The following FIG4 variants were observed in gnomAD, a reference collection of about 807,000 sequenced individuals.
The protein encoded by FIG4 is FIG4 phosphoinositide 5-phosphatase.
FIG4 carries 112 observed loss-of-function variants against 118.6 expected under a neutral mutation model. That is an observed-to-expected ratio of 0.94 (90% CI 0.81 to 1.11). The LOEUF (loss-of-function observed/expected upper bound fraction) is 1.11. FIG4 is among the 50% of genes least tolerant of loss of function. FIG4 has a pLI of 0.00. For synonymous variants in FIG4, 369 were observed against 381.2 expected (o/e 0.97, Z 0.37); for missense variants, 969 against 1,111.7 (o/e 0.87, Z 1.83).
intron 21 of FIG4, among the ~76,000 whole-genome samples, chr6:109,794,187 A>C (rs1778213798): frequency 6.6e-6 from 1 of 152,208 alleles, no homozygotes; most frequent in South Asian, 2.1e-4. Context: ...AACAGTTTAC[A>C]CTGTTTTGTT....
chr6:109,691,346 A>C lies in FIG4; in HGVS notation c.-90A>C. 9.7e-7 allele frequency: 1 copy of C among 1,029,912 alleles called. No individual in the cohort carries two copies. Among genetic ancestry groups the C allele is most frequent in the South Asian group, 1.4e-5 (1 of 73,680 alleles). The allele number at this position is 1,029,912 out of a possible 1,614,324, so 63.8% of individuals were successfully genotyped here. ...TGGGTGTTGTTCCTGGCTGGACTTG[A>C]TGTCCAGGGCCTGAGGGGTTTTCTC... On this transcript the variant is annotated 5_prime_UTR_variant, in exon 1 of 23. The change abolishes an upstream ATG in the 5' untranslated region. Transcript: ENST00000230124.
intron 10 of FIG4, among the ~76,000 whole-genome samples, chr6:109,752,550 A>G (rs1776742355): frequency 6.6e-6 from 1 of 152,164 alleles, no homozygotes; most frequent in Non-Finnish European, 1.5e-5. Flanking sequence ...GTGAGATGGT[A>G]TCTCATTGTG....
chr6:109,740,575 G>A (rs1187401308), intron 7 of FIG4, among the ~76,000 whole-genome samples: 2 of 152,118 alleles, frequency 1.3e-5, no homozygotes, highest in Admixed American at 6.5e-5. Context: ...TGGTTAAGCA[G>A]TTCACAATAA....
At position 109,765,151 on chromosome 6, in the gene FIG4, G is replaced by T; in HGVS notation, c.1573G>T (p.Asp525Tyr). The change falls in exon 14 of 23, where the codon GAT becomes TAT. Residue 525 changes from aspartate (D) to tyrosine (Y), a missense_variant. Coordinates refer to ENST00000230124, the MANE Select transcript of FIG4 (RefSeq NM_014845.6). ...IDKPNLQFDT[D>Y]AVRLFEELYE... ...CAAACCTAATCTACAGTTTGATACA[G>T]ATGCAGTTAGGTAAGTCTTATTTTT... is the stretch of plus-strand genomic sequence containing the variant. 6.2e-7 allele frequency: 1 copy of T among 1,614,084 alleles called. No homozygotes were observed. The highest frequency in any genetic ancestry group is 8.5e-7 in the Non-Finnish European group (1 of 1,179,932).
chr6:109,697,393 A>AG (rs200941180), intron 1 of FIG4, among the ~76,000 whole-genome samples: 2,243 of 152,256 alleles, frequency 0.015, 22 homozygotes, highest in Middle Eastern at 0.024. Context: ...CAGTCATCTG[A>AG]AGGCTTGAAA....
At chr6:109,788,913 G>A (rs939630811) in intron 18 of FIG4, among the ~76,000 whole-genome samples, 1 of 152,184 alleles carries the variant, frequency 6.6e-6, no homozygotes, top group African/African-American at 2.4e-5. Flanking sequence ...CAGCAGTAAT[G>A]GTGAGGTGGC....
intron 3 of FIG4, among the ~76,000 whole-genome samples, chr6:109,725,123 T>C (rs143061666): frequency 3.3e-3 from 509 of 152,254 alleles, no homozygotes; most frequent in African/African-American, 0.012. Flanking sequence ...CTGGGATACA[T>C]GTGCAGAATG....
At chr6:109,751,857 C>CT (rs1254815348) in intron 10 of FIG4, among the ~76,000 whole-genome samples, 2 of 139,496 alleles carry the variant, frequency 1.4e-5, no homozygotes, top group East Asian at 4.2e-4. Context: ...TATTATTATA[C>CT]TTTAAGTTTT....
rs554276563 is a variant in FIG4, at chr6:109,767,762, C to T, written c.1750+867C>T. 2.6e-5 allele frequency among the ~76,000 whole-genome samples: 4 copies of T among 152,190 alleles called. No individual in the cohort carries two copies. In the South Asian group the frequency reaches 6.2e-4, roughly 24 times the overall value. Reference sequence around the variant, plus strand: ...TGATGGGGGCCTGTAGTCCCAGCTACGCGGGAGGCTGAGGCTGGAGAATGG... The same window carrying T: ...TGATGGGGGCCTGTAGTCCCAGCTATGCGGGAGGCTGAGGCTGGAGAATGG... On this transcript the variant is annotated intron_variant, in intron 15 of 22. Transcript: ENST00000230124.
intron 3 of FIG4, among the ~76,000 whole-genome samples, chr6:109,718,920 ATTT>A (rs35555849): frequency 2.1e-5 from 3 of 143,336 alleles, no homozygotes; most frequent in Non-Finnish European, 3.0e-5. Flanking sequence ...ACCTTATTAC[ATTT>A]TTTTTTTTTT....
At chr6:109,713,047 A>C (rs753748904) in intron 1 of FIG4, among the ~76,000 whole-genome samples, 12 of 152,280 alleles carry the variant, frequency 7.9e-5, no homozygotes, top group Non-Finnish European at 1.0e-4. Flanking sequence ...TAACTCTGGA[A>C]TACTCGTATT....
intron 22 of FIG4, among the ~76,000 whole-genome samples, chr6:109,824,115 A>G (rs1779087568): frequency 6.6e-6 from 1 of 152,220 alleles, no homozygotes; most frequent in African/African-American, 2.4e-5. Flanking sequence ...TTCTGGAGAC[A>G]GTGCCTTCCC....
intron 10 of FIG4, among the ~76,000 whole-genome samples, chr6:109,757,330 G>A (rs894507959): frequency 1.1e-4 from 17 of 152,250 alleles, no homozygotes; most frequent in Admixed American, 3.9e-4. Context: ...ATCAATAAAC[G>A]TAATCCATCA....
At chr6:109,798,113 G>A (rs1418640556) in intron 22 of FIG4, among the ~76,000 whole-genome samples, 1 of 152,086 alleles carries the variant, frequency 6.6e-6, no homozygotes, top group African/African-American at 2.4e-5. Context: ...CTTAATTGAT[G>A]GCTCACAGTA....
chr6:109,792,825 G>C (rs1389622152), intron 21 of FIG4, among the ~76,000 whole-genome samples, 161 bp downstream of exon 21: 1 of 149,228 alleles, frequency 6.7e-6, no homozygotes, highest in Non-Finnish European at 1.5e-5. Flanking sequence ...TGAGTAGCTG[G>C]GATTGCAGGT....
intron 4 of FIG4, 131 bp from the exon 5 acceptor site, chr6:109,732,506 C>A (rs1485033669): frequency 1.5e-6 from 1 of 658,478 alleles, no homozygotes; most frequent in Non-Finnish European, 2.7e-6. Context: ...AATCCCTATT[C>A]TAGATATGGT....
intron 10 of FIG4, among the ~76,000 whole-genome samples, chr6:109,749,520 A>G (rs1050970649): frequency 5.9e-5 from 9 of 152,090 alleles, no homozygotes; most frequent in African/African-American, 1.9e-4. Context: ...GTTAAATTAT[A>G]AAGTGTTACT....
intron 10 of FIG4, among the ~76,000 whole-genome samples, chr6:109,755,822 A>C (rs925339313): frequency 1.3e-5 from 2 of 152,108 alleles, no homozygotes; most frequent in African/African-American, 4.8e-5. Context: ...TTTTGAGCCT[A>C]TGTGTGTCTC....
At chr6:109,718,805 A>G (rs1189984930) in intron 3 of FIG4, among the ~76,000 whole-genome samples, 2 of 152,214 alleles carry the variant, frequency 1.3e-5, no homozygotes, top group Admixed American at 6.5e-5. Flanking sequence ...AGTCCTGCTT[A>G]TATTTTAAAT....
Sources: allele counts gnomAD v4.1 joint callset (sites outside exome capture counted in the v4.1 genomes callset), GRCh38; gene constraint gnomAD v4.1.1; transcripts MANE v1.5; gene names NCBI Gene and HGNC (gene_info 2026-07-23, HGNC 2026-07-21).